The following CUL3 variants were observed in gnomAD, a reference collection of about 807,000 sequenced individuals.
CUL3 encodes the protein cullin 3.
CUL3 carries 19 observed loss-of-function variants against 89.1 expected under a neutral mutation model. The observed-to-expected ratio is 0.21, with a 90% CI of 0.15 to 0.31. The LOEUF (loss-of-function observed/expected upper bound fraction) is 0.31, where lower values mean the gene tolerates loss of function less well. Among genes scored for constraint, CUL3 ranks in the 10% least tolerant of loss-of-function variants. The pLI, the probability that CUL3 is intolerant of heterozygous loss-of-function variation, is 1.00. For synonymous variants in CUL3, 351 were observed against 308.4 expected (o/e 1.14, Z -1.45); for missense variants, 469 against 942.3 (o/e 0.50, Z 6.58).
At chr2:224,518,872 G>T (rs1028396457) in intron 3 of CUL3, among the ~76,000 whole-genome samples, 47 of 152,226 alleles carry the variant, frequency 3.1e-4, no homozygotes, top group Admixed American at 3.1e-3. Context: ...CATAGTGATG[G>T]TATCGCTACT....
intron 14 of CUL3, chr2:224,479,399 G>A (rs1166741753): frequency 6.6e-6 from 1 of 151,802 alleles, no homozygotes; most frequent in East Asian, 1.9e-4. Context: ...TAAGAATGAT[G>A]CTTATGATGC....
chr2:224,525,747 T>C (rs977141509), intron 3 of CUL3, among the ~76,000 whole-genome samples: 1 of 152,232 alleles, frequency 6.6e-6, no homozygotes, highest in African/African-American at 2.4e-5. Flanking sequence ...GGAAGGCTTA[T>C]ATTAACCTAC....
intron 13 of CUL3, among the ~76,000 whole-genome samples, chr2:224,492,744 G>A (rs965796557): frequency 6.6e-6 from 1 of 152,124 alleles, no homozygotes; most frequent in South Asian, 2.1e-4. Context: ...ATGACAGCAC[G>A]TAATAACCCT....
chr2:224,555,712 C>A (rs930544410), intron 2 of CUL3, among the ~76,000 whole-genome samples: 3 of 152,174 alleles, frequency 2.0e-5, no homozygotes, highest in African/African-American at 7.2e-5. Context: ...CAACATCTGC[C>A]ATCATGGAAT....
intron 11 of CUL3, chr2:224,500,046 C>T (rs1692319541): frequency 4.2e-6 from 1 of 238,960 alleles, no homozygotes; most frequent in Admixed American, 4.9e-5. Context: ...TCAGAAAAGT[C>T]CAAGGAATTC....
intron 1 of CUL3, among the ~76,000 whole-genome samples, chr2:224,575,840 G>A (rs1299836687): frequency 4.6e-5 from 7 of 152,150 alleles, no homozygotes; most frequent in African/African-American, 7.2e-5. Context: ...AGCTCTAAGC[G>A]TGAAGATCCC....
chr2:224,580,559 C>T (rs967446976), intron 1 of CUL3, among the ~76,000 whole-genome samples: 37 of 152,264 alleles, frequency 2.4e-4, no homozygotes, highest in Admixed American at 1.1e-3. Context: ...TGGCGCAAAC[C>T]GGTAGTCCCA....
chr2:224,585,346 A>G lies in CUL3; in HGVS notation c.-337T>C. 2.5e-6 allele frequency: 1 copy of G among 400,990 alleles called. No individual in the cohort carries two copies. The allele number at this position is 400,990 out of a possible 1,614,324, so 24.8% of individuals were successfully genotyped here. A position where few individuals can be genotyped will look rare whatever the true frequency, so the allele number is the denominator to read the frequency against. ...GCGACGGACAAACATCTCACTGCGCAGGCCGAACGTCGTCCTCCTCCTCCT... is the reference window on the plus strand; with the variant it reads ...GCGACGGACAAACATCTCACTGCGCGGGCCGAACGTCGTCCTCCTCCTCCT... On this transcript the variant is annotated 5_prime_UTR_variant, in exon 1 of 16. Coordinates refer to ENST00000264414, the MANE Select transcript of CUL3 (RefSeq NM_003590.5).
At chr2:224,537,230 A>G (rs1693930148) in intron 2 of CUL3, among the ~76,000 whole-genome samples, 1 of 152,212 alleles carries the variant, frequency 6.6e-6, no homozygotes. Context: ...AATACACACA[A>G]CACACTGTGG....
At chr2:224,574,143 T>G (rs1241772296) in intron 1 of CUL3, among the ~76,000 whole-genome samples, 1 of 152,208 alleles carries the variant, frequency 6.6e-6, no homozygotes, top group Non-Finnish European at 1.5e-5. Context: ...CTCTAAGGAA[T>G]CTTATATTTT....
chr2:224,529,384 G>A (rs1460000634), intron 3 of CUL3, among the ~76,000 whole-genome samples: 3 of 151,444 alleles, frequency 2.0e-5, no homozygotes, highest in Middle Eastern at 3.5e-3. Context: ...TTGGGAGGCC[G>A]AGGTAGGCAG....
chr2:224,522,292 AG>A, intron 3 of CUL3, among the ~76,000 whole-genome samples: 2 of 152,316 alleles, frequency 1.3e-5, no homozygotes, highest in South Asian at 2.1e-4. Context: ...AGTAGTAAAA[AG>A]TTTCTACTGC....
chr2:224,534,914 T>C (rs1187938156), intron 3 of CUL3, among the ~76,000 whole-genome samples: 1 of 151,548 alleles, frequency 6.6e-6, no homozygotes, highest in African/African-American at 2.4e-5. Flanking sequence ...GGCAGGAGAA[T>C]GGCGTGAACC....
At chr2:224,575,168 TGTA>T (rs1695270565) in intron 1 of CUL3, among the ~76,000 whole-genome samples, 1 of 152,182 alleles carries the variant, frequency 6.6e-6, no homozygotes, top group Non-Finnish European at 1.5e-5. Context: ...TTCACACTGA[TGTA>T]GTAGTTAGGT....
intron 12 of CUL3, among the ~76,000 whole-genome samples, chr2:224,496,189 C>G (rs549238266): frequency 1.9e-4 from 29 of 152,254 alleles, no homozygotes; most frequent in African/African-American, 7.0e-4. Flanking sequence ...CACCATCATG[C>G]CCAGCTAACT....
chr2:224,511,380 T>C lies in CUL3; in HGVS notation c.857A>G (p.His286Arg), dbSNP rs530205226. 8.7e-6 allele frequency: 14 copies of C among 1,610,886 alleles called. No homozygotes were observed. Among genetic ancestry groups the C allele is most frequent in the Middle Eastern group, 1.7e-4 (1 of 6,048 alleles). ...TTCTGTCTTTCCATTTTTCAACATA[T>C]GTACTAGCCCAGAATTCTCCATTTC... The part of the protein sequence containing the change: ...IVEMENSGLV[H>R]MLKNGKTEDL... The change falls in exon 6 of 16, where the codon CAT becomes CGT. Residue 286 changes from histidine to arginine, a missense_variant. By Grantham distance (29) the His-to-Arg change is conservative (BLOSUM62 0). This residue lies in a region of CUL3 where 370 missense variants were observed against 733.2 expected (regional missense o/e 0.50). Coordinates refer to ENST00000264414, the MANE Select transcript of CUL3 (RefSeq NM_003590.5).
intron 1 of CUL3, among the ~76,000 whole-genome samples, chr2:224,580,493 G>A (rs952651345): frequency 1.3e-5 from 2 of 152,122 alleles, no homozygotes; most frequent in African/African-American, 2.4e-5. Flanking sequence ...AGACCAGCCT[G>A]GCCAACATGG....
At chr2:224,547,392 T>G (rs1227206221) in intron 2 of CUL3, among the ~76,000 whole-genome samples, 1 of 152,170 alleles carries the variant, frequency 6.6e-6, no homozygotes, top group Non-Finnish European at 1.5e-5. Context: ...TTTTTCTCAT[T>G]CAACTTTCTC....
At chr2:224,507,349 T>C (rs1692640549) in intron 6 of CUL3, among the ~76,000 whole-genome samples, 2 of 152,150 alleles carry the variant, frequency 1.3e-5, no homozygotes, top group Non-Finnish European at 2.9e-5. Context: ...ATAAATACTT[T>C]ATCCTACATA....
Sources: allele counts gnomAD v4.1 joint callset (sites outside exome capture counted in the v4.1 genomes callset), GRCh38; gene constraint gnomAD v4.1.1; regional missense constraint gnomAD v4.1.1; transcripts MANE v1.5; gene names NCBI Gene and HGNC (gene_info 2026-07-23, HGNC 2026-07-21).